The following RAD51 variants were observed in gnomAD, a reference collection of about 807,000 sequenced individuals.
The protein encoded by RAD51 is RAD51 recombinase, also known as DNA repair protein RAD51 homolog 1.
In RAD51, 14 loss-of-function variants were observed where a neutral mutation model predicts 41.5. The observed-to-expected ratio is 0.34, with a 90% confidence interval of 0.22 to 0.53. The LOEUF (loss-of-function observed/expected upper bound fraction) is 0.53. Among genes scored for constraint, RAD51 ranks in the 20% least tolerant of loss-of-function variants. The pLI, the probability that RAD51 is intolerant of heterozygous loss-of-function variation, is 0.95. For missense variants in RAD51, 234 were observed against 422.0 expected (o/e 0.55, Z 3.90); for synonymous variants, 136 against 148.6 (o/e 0.92, Z 0.62).
At chr15:40,699,517 C>G (rs1280591917) in intron 2 of RAD51, among the ~76,000 whole-genome samples, 1 of 152,154 alleles carries the variant, frequency 6.6e-6, no homozygotes. Flanking sequence ...AACTCCTGGC[C>G]TCAAGCAGTC....
At chr15:40,697,898 A>G (rs562181553) in intron 1 of RAD51, among the ~76,000 whole-genome samples, 1 of 152,340 alleles carries the variant, frequency 6.6e-6, no homozygotes, top group South Asian at 2.1e-4. Context: ...GAATGATCAA[A>G]TCAGGGTAAT....
At chr15:40,698,617 G>A (rs1894798497) in intron 1 of RAD51, 140 bp from the exon 2 acceptor site, 1 of 758,662 alleles carries the variant, frequency 1.3e-6, no homozygotes, top group African/African-American at 1.7e-5. Context: ...ATATAAAGCA[G>A]GAGAACAGAG....
chr15:40,707,288 T>C (rs1023480072), intron 4 of RAD51, among the ~76,000 whole-genome samples: 1 of 146,912 alleles, frequency 6.8e-6, no homozygotes, highest in Non-Finnish European at 1.5e-5. Flanking sequence ...TGAGCCACCT[T>C]GCCTGGCCCA....
intron 2 of RAD51, among the ~76,000 whole-genome samples, chr15:40,700,025 A>G (rs537661256): frequency 2.6e-5 from 4 of 152,342 alleles, no homozygotes; most frequent in African/African-American, 9.6e-5. Context: ...TGTGATAAAC[A>G]TTTGAAAGTT....
chr15:40,706,079 C>G, intron 3 of RAD51, 98 bp from the exon 4 acceptor site: 2 of 835,940 alleles, frequency 2.4e-6, no homozygotes, highest in Non-Finnish European at 4.0e-6. Flanking sequence ...CCTTGTTTTA[C>G]TAATATTTCT....
Position 40,706,271 on chromosome 15 carries a change from A to T in RAD51, c.320A>T (p.Lys107Ile). ...ATCATACAGATTACTACTGGCTCCA[A>T]AGAGCTTGACAAACTACTTCAAGGT... ...SEIIQITTGS[K>I]ELDKLLQGGI... The change falls in exon 4 of 10, where the codon AAA becomes ATA. Residue 107 changes from lysine (K) to isoleucine (I), a missense_variant. Lys to Ile is a moderately radical substitution (Grantham distance 102). Around this residue, in one of 2 missense-constraint regions of RAD51, gnomAD observed 100 missense variants for 135.5 expected, o/e 0.74. Coordinates refer to ENST00000267868, the MANE Select transcript of RAD51 (RefSeq NM_002875.5). 6.2e-7 allele frequency: 1 copy of T among 1,612,948 alleles called. No homozygotes were observed. Among genetic ancestry groups the T allele is most frequent in the Non-Finnish European group, 8.5e-7 (1 of 1,178,882 alleles).
At chr15:40,698,986 C>T (rs905455671) in intron 2 of RAD51, 141 bp downstream of exon 2, 4 of 810,446 alleles carry the variant, frequency 4.9e-6, no homozygotes, top group Non-Finnish European at 8.3e-6. Flanking sequence ...TGTCAATAAT[C>T]CTGTGGAAAG....
At chr15:40,725,054 C>A (rs1007839336) in intron 6 of RAD51, among the ~76,000 whole-genome samples, 4 of 151,486 alleles carry the variant, frequency 2.6e-5, no homozygotes, top group Non-Finnish European at 4.4e-5. Context: ...CGCCCGCCAC[C>A]GCGCCCGGCT....
At chr15:40,714,712 C>T (rs1183147916) in intron 5 of RAD51, among the ~76,000 whole-genome samples, 1 of 152,180 alleles carries the variant, frequency 6.6e-6, no homozygotes, top group East Asian at 1.9e-4. Flanking sequence ...GGATGTTAGA[C>T]TATTACTTAA....
chr15:40,725,401 A>C (rs939958879), intron 6 of RAD51, among the ~76,000 whole-genome samples: 9 of 152,186 alleles, frequency 5.9e-5, no homozygotes, highest in African/African-American at 1.7e-4. Flanking sequence ...CAAGAAAAAA[A>C]TTTTATAATT....
chr15:40,695,191 G>C lies in RAD51; in HGVS notation c.-237G>C, dbSNP rs901571497. 2.0e-5 allele frequency: 3 copies of C among 152,310 alleles called. No homozygotes were observed. The highest frequency in any genetic ancestry group is 4.8e-5 in the African/African-American group (2 of 41,460). The allele number at this position is 152,310 out of a possible 1,614,324, so 9.4% of individuals were successfully genotyped here. On this transcript the variant is annotated 5_prime_UTR_variant, in exon 1 of 10. Coordinates refer to ENST00000267868, the MANE Select transcript of RAD51 (RefSeq NM_002875.5). ...TTGGCGGGAATTCTGAAAGCCGCTG[G>C]CGGACCGCGCGCAGCGGCCAGAGAC...
chr15:40,712,025 T>C (rs1895729959), intron 5 of RAD51, among the ~76,000 whole-genome samples: 1 of 151,450 alleles, frequency 6.6e-6, no homozygotes, highest in Admixed American at 6.6e-5. Flanking sequence ...TGAGCCAAGA[T>C]TGTACCACTG....
chr15:40,728,117 C>T (rs1209096275), intron 6 of RAD51, among the ~76,000 whole-genome samples: 1 of 152,140 alleles, frequency 6.6e-6, no homozygotes, highest in Admixed American at 6.5e-5. Context: ...GCCTCGGCAT[C>T]CCAAAGTGCT....
chr15:40,714,874 A>G (rs193059797), intron 5 of RAD51, among the ~76,000 whole-genome samples: 14 of 152,372 alleles, frequency 9.2e-5, no homozygotes, highest in Non-Finnish European at 1.5e-4. Flanking sequence ...AAAGTACTGC[A>G]GTAGTTTTAA....
chr15:40,726,685 C>T (rs541145422), intron 6 of RAD51, among the ~76,000 whole-genome samples: 7 of 151,578 alleles, frequency 4.6e-5, no homozygotes, highest in African/African-American at 7.3e-5. Context: ...GAGGCCGAGG[C>T]GGGTGGATCA....
intron 3 of RAD51, among the ~76,000 whole-genome samples, chr15:40,703,167 G>A (rs1361381764): frequency 1.3e-5 from 2 of 152,174 alleles, no homozygotes. Context: ...TGTGGAGGCA[G>A]GAATCAGCTC....
At chr15:40,712,077 C>CA (rs57056143) in intron 5 of RAD51, among the ~76,000 whole-genome samples, 40,539 of 107,026 alleles carry the variant, frequency 0.38, 7,156 homozygotes, top group East Asian at 0.69. Context: ...GTCTCCATCT[C>CA]AAAAAAAAAA....
intron 6 of RAD51, among the ~76,000 whole-genome samples, chr15:40,720,438 G>A (rs1487395120): frequency 6.6e-6 from 1 of 152,002 alleles, no homozygotes. Context: ...AGGCAAGGAT[G>A]CCCACTTTCA....
intron 6 of RAD51, among the ~76,000 whole-genome samples, chr15:40,726,225 C>T (rs929287364): frequency 6.8e-6 from 1 of 147,962 alleles, no homozygotes. Flanking sequence ...TTCATTGAGT[C>T]TAGGTTAGGC....
Sources: allele counts gnomAD v4.1 joint callset (sites outside exome capture counted in the v4.1 genomes callset), GRCh38; gene constraint gnomAD v4.1.1; regional missense constraint gnomAD v4.1.1; transcripts MANE v1.5; gene names NCBI Gene and HGNC (gene_info 2026-07-23, HGNC 2026-07-21).